Variants in CPNE4 observed in about 807,000 individuals in gnomAD.
CPNE4 encodes copine-4.
In CPNE4, 25 loss-of-function variants were observed where a neutral mutation model predicts 67.9. That is an observed-to-expected ratio of 0.37 (90% confidence interval 0.27 to 0.51). The LOEUF is 0.51. CPNE4 is among the 20% of genes least tolerant of loss of function. The pLI is 0.93. For missense variants in CPNE4, 464 were observed against 690.8 expected (o/e 0.67, Z 3.68); for synonymous variants, 242 against 244.9 (o/e 0.99, Z 0.11).
chr3:131,922,621 TACATA>T (rs1225918761), intron 1 of CPNE4, among the ~76,000 whole-genome samples: 1 of 152,230 alleles, frequency 6.6e-6, no homozygotes, highest in African/African-American at 2.4e-5. Flanking sequence ...ATTTGGGTGC[TACATA>T]ACATATGGTT....
At position 131,534,077 on chromosome 3, in the gene CPNE4, A is replaced by G. The variant is rs1379757997; in HGVS notation, c.*1118T>C. On this transcript the variant is annotated 3_prime_UTR_variant, in exon 16 of 16. Coordinates refer to ENST00000429747, the MANE Select transcript of CPNE4 (RefSeq NM_130808.3). ...GACCAGATATCGGGAGCTGTACTGC[A>G]TAGCCATTTGCCATGTGTAAGTTTC... The G allele has an allele frequency of 1.3e-5, 2 of 152,236 alleles. No individual in the cohort carries two copies. The highest frequency in any genetic ancestry group is 4.8e-5 in the African/African-American group (2 of 41,446). 9.4% of individuals were successfully genotyped at this position (152,236 alleles called of 1,614,324 possible).
chr3:131,855,610 C>T (rs891052565), intron 2 of CPNE4, among the ~76,000 whole-genome samples: 1 of 151,982 alleles, frequency 6.6e-6, no homozygotes, highest in Non-Finnish European at 1.5e-5. Flanking sequence ...GTCTGTCTCA[C>T]ACTCATTCCT....
At chr3:131,771,457 G>A (rs1236450735) in intron 2 of CPNE4, among the ~76,000 whole-genome samples, 1 of 152,050 alleles carries the variant, frequency 6.6e-6, no homozygotes, top group Non-Finnish European at 1.5e-5. Flanking sequence ...TGAGGGGTGA[G>A]TAATAGAGTT....
chr3:131,881,042 T>G (rs2087656590), intron 2 of CPNE4, among the ~76,000 whole-genome samples: 1 of 152,164 alleles, frequency 6.6e-6, no homozygotes, highest in Non-Finnish European at 1.5e-5. Flanking sequence ...AGCTGAGCTT[T>G]AGTGTTTTCT....
intron 6 of CPNE4, among the ~76,000 whole-genome samples, chr3:131,683,358 T>A (rs1405853056): frequency 6.6e-6 from 1 of 152,168 alleles, no homozygotes; most frequent in Non-Finnish European, 1.5e-5. Flanking sequence ...AGGTAATGGA[T>A]CCTGCTTCCC....
chr3:131,572,704 T>C (rs1198622825), intron 10 of CPNE4, among the ~76,000 whole-genome samples: 1 of 152,028 alleles, frequency 6.6e-6, no homozygotes, highest in Non-Finnish European at 1.5e-5. Context: ...AAGTTTGTGT[T>C]GGCTAAAGCT....
intron 2 of CPNE4, among the ~76,000 whole-genome samples, chr3:131,817,616 G>A (rs147640096): frequency 1.2e-4 from 19 of 152,272 alleles, no homozygotes; most frequent in African/African-American, 3.4e-4. Context: ...GTACGTATTA[G>A]CCTTGGTCCA....
At chr3:131,958,003 T>C (rs1455773135) in intron 1 of CPNE4, among the ~76,000 whole-genome samples, 1 of 152,158 alleles carries the variant, frequency 6.6e-6, no homozygotes. Flanking sequence ...ACCTGAGAGT[T>C]TGATAGAAAA....
At chr3:131,812,396 T>C (rs1250753479) in intron 2 of CPNE4, among the ~76,000 whole-genome samples, 2 of 152,080 alleles carry the variant, frequency 1.3e-5, no homozygotes, top group Non-Finnish European at 2.9e-5. Context: ...TAGCACAGTA[T>C]GATGCCAAGA....
chr3:131,918,023 G>T (rs1030936926), intron 1 of CPNE4, among the ~76,000 whole-genome samples: 1 of 152,194 alleles, frequency 6.6e-6, no homozygotes, highest in Non-Finnish European at 1.5e-5. Flanking sequence ...GGGTAATTAT[G>T]TGTCTGTCCC....
intron 7 of CPNE4, among the ~76,000 whole-genome samples, chr3:131,650,692 C>A (rs1274944633): frequency 8.1e-6 from 1 of 123,580 alleles, no homozygotes; most frequent in East Asian, 2.3e-4. Context: ...TTGCAGTGAG[C>A]CGAGATCGCG....
chr3:132,021,998 G>A (rs1227427373), intron 1 of CPNE4, among the ~76,000 whole-genome samples: 4 of 152,354 alleles, frequency 2.6e-5, no homozygotes, highest in African/African-American at 9.6e-5. Context: ...TAGGGAAGAT[G>A]ATATTCCCAT....
rs377352312 is a variant in CPNE4 at position 131,664,662 on chromosome 3, A to G, written c.681+5013T>C. ...ATAGAGGCAGTGCAATCTGATTAAAACAACATTGAATTTGATGTTTAACAA... is the reference window on the plus strand; with the variant it reads ...ATAGAGGCAGTGCAATCTGATTAAAGCAACATTGAATTTGATGTTTAACAA... On this transcript the variant is annotated intron_variant, in intron 7 of 15. Transcript: ENST00000429747. Among the ~76,000 whole-genome samples, 48 of 152,320 alleles carry G rather than the reference A, an allele frequency of 3.2e-4. No individual in the cohort carries two copies. In the East Asian group the frequency reaches 6.2e-3, roughly 20 times the overall value.
At chr3:131,802,575 C>G (rs958677789) in intron 2 of CPNE4, among the ~76,000 whole-genome samples, 1 of 152,138 alleles carries the variant, frequency 6.6e-6, no homozygotes, top group Admixed American at 6.6e-5. Flanking sequence ...GGGGTCAGGA[C>G]AGCACGGACA....
At chr3:131,709,149 A>G (rs1198177735) in intron 3 of CPNE4, among the ~76,000 whole-genome samples, 1 of 151,804 alleles carries the variant, frequency 6.6e-6, no homozygotes, top group Non-Finnish European at 1.5e-5. Context: ...TTTATTAGTT[A>G]TCTCTCAATG....
chr3:131,710,997 T>C (rs750843548), intron 3 of CPNE4, among the ~76,000 whole-genome samples: 6 of 152,200 alleles, frequency 3.9e-5, no homozygotes, highest in Non-Finnish European at 5.9e-5. Context: ...AAGCTCATGA[T>C]TGCCTGGCAT....
chr3:131,839,160 A>G (rs917794156), intron 2 of CPNE4, among the ~76,000 whole-genome samples: 1 of 151,906 alleles, frequency 6.6e-6, no homozygotes, highest in African/African-American at 2.4e-5. Flanking sequence ...ATTGTGTGCA[A>G]TGCTGCCCTC....
At chr3:132,017,398 GAA>G (rs375234555) in intron 1 of CPNE4, 118 of 152,228 alleles carry the variant, frequency 7.8e-4, no homozygotes, top group Middle Eastern at 6.8e-3. Context: ...AGGATGAAAA[GAA>G]GAGTAGGGAG....
intron 2 of CPNE4, among the ~76,000 whole-genome samples, chr3:131,752,049 C>T (rs575649936): frequency 7.9e-5 from 12 of 152,212 alleles, no homozygotes; most frequent in Non-Finnish European, 1.2e-4. Context: ...ACCTCCCCAG[C>T]GACGTGGGGG....
Sources: allele counts gnomAD v4.1 joint callset (sites outside exome capture counted in the v4.1 genomes callset), GRCh38; gene constraint gnomAD v4.1.1; transcripts MANE v1.5; gene names NCBI Gene and HGNC (gene_info 2026-07-23, HGNC 2026-07-21).